The following CPPED1 variants were observed in gnomAD, a reference collection of about 807,000 sequenced individuals.
CPPED1 encodes serine/threonine-protein phosphatase CPPED1.
CPPED1 carries 28 observed loss-of-function variants against 28.0 expected under a neutral mutation model. The ratio of observed to expected loss-of-function variants is 1.00; its 90% CI spans 0.74 to 1.37. CPPED1 has a LOEUF of 1.37. CPPED1 is among the 40% of genes most tolerant of loss of function. The pLI is 0.00. For synonymous variants in CPPED1, 198 were observed against 180.2 expected (o/e 1.10, Z -0.79); for missense variants, 504 against 416.5 (o/e 1.21, Z -1.83).
At chr16:12,759,859 C>T (rs573185325) in intron 2 of CPPED1, among the ~76,000 whole-genome samples, 219 of 152,302 alleles carry the variant, frequency 1.4e-3, no homozygotes, top group African/African-American at 4.9e-3. Flanking sequence ...CAATTAAACC[C>T]GTATCAGGTG....
intron 2 of CPPED1, among the ~76,000 whole-genome samples, chr16:12,751,757 C>G (rs565844347): frequency 3.9e-5 from 6 of 152,300 alleles, no homozygotes; most frequent in Non-Finnish European, 8.8e-5. Flanking sequence ...TAATGTTTTA[C>G]TTCTGAAGCT....
intron 2 of CPPED1, among the ~76,000 whole-genome samples, chr16:12,729,359 C>G (rs1055143819): frequency 6.6e-6 from 1 of 152,096 alleles, no homozygotes; most frequent in African/African-American, 2.4e-5. Context: ...TTTGCCTGGA[C>G]TTGAAGAACG....
At chr16:12,737,407 G>T (rs1449563420) in intron 2 of CPPED1, among the ~76,000 whole-genome samples, 1 of 152,082 alleles carries the variant, frequency 6.6e-6, no homozygotes, top group Non-Finnish European at 1.5e-5. Context: ...GAACCAAAAA[G>T]CACCCCTTAC....
intron 2 of CPPED1, among the ~76,000 whole-genome samples, chr16:12,755,910 A>G (rs371938348): frequency 1.6e-3 from 238 of 152,248 alleles, no homozygotes; most frequent in African/African-American, 5.4e-3. Flanking sequence ...AGGCGGGCGG[A>G]TCACCTGAGG....
intron 1 of CPPED1, among the ~76,000 whole-genome samples, chr16:12,789,772 T>A (rs1160635238): frequency 6.6e-6 from 1 of 152,072 alleles, no homozygotes; most frequent in Admixed American, 6.6e-5. Context: ...AGTGATCAGC[T>A]CACCTTGACC....
chr16:12,676,606 G>C (rs2079879029), intron 3 of CPPED1, among the ~76,000 whole-genome samples: 1 of 152,154 alleles, frequency 6.6e-6, no homozygotes, highest in African/African-American at 2.4e-5. Flanking sequence ...CACCATCTGA[G>C]AGGTGCAAAG....
At chr16:12,693,602 G>A (rs1408476633) in intron 3 of CPPED1, among the ~76,000 whole-genome samples, 1 of 152,082 alleles carries the variant, frequency 6.6e-6, no homozygotes, top group Non-Finnish European at 1.5e-5. Flanking sequence ...ATTTTACAAA[G>A]CAATGTTGTA....
At chr16:12,675,911 C>T (rs1441161948) in intron 3 of CPPED1, among the ~76,000 whole-genome samples, 2 of 152,130 alleles carry the variant, frequency 1.3e-5, no homozygotes, top group African/African-American at 2.4e-5. Context: ...TCCCTCCTGC[C>T]GGTAAAGAAT....
intron 2 of CPPED1, among the ~76,000 whole-genome samples, chr16:12,777,657 A>T (rs2080505243): frequency 6.6e-6 from 1 of 152,188 alleles, no homozygotes; most frequent in South Asian, 2.1e-4. Context: ...GGATTTTCCT[A>T]TGGGCTTGGC....
chr16:12,675,181 T>C (rs1271229692), intron 3 of CPPED1, among the ~76,000 whole-genome samples: 1 of 152,214 alleles, frequency 6.6e-6, no homozygotes, highest in Admixed American at 6.5e-5. Context: ...TGACGGGGTA[T>C]TGATTTTAGT....
At chr16:12,734,143 C>G (rs544013053) in intron 2 of CPPED1, among the ~76,000 whole-genome samples, 19 of 131,468 alleles carry the variant, frequency 1.4e-4, no homozygotes, top group African/African-American at 5.6e-4. Context: ...GATCTCGGGT[C>G]ACTGCAACCT....
At chr16:12,675,676 C>A (rs1384697446) in intron 3 of CPPED1, among the ~76,000 whole-genome samples, 1 of 152,214 alleles carries the variant, frequency 6.6e-6, no homozygotes, top group East Asian at 1.9e-4. Context: ...CACATTCCAA[C>A]TGGACAGCCT....
intron 3 of CPPED1, among the ~76,000 whole-genome samples, chr16:12,699,157 T>A (rs1448358692): frequency 5.3e-5 from 8 of 152,194 alleles, no homozygotes; most frequent in Admixed American, 5.2e-4. Context: ...CAACTAGGTA[T>A]CAGGTGAATA....
At position 12,709,911 on chromosome 16, in the gene CPPED1, GGAA is replaced by G. The variant is rs2080071042; in HGVS notation, c.290-4865_290-4863del. Among the ~76,000 whole-genome samples, 1 of 21,030 alleles carries G rather than the reference GGAA, an allele frequency of 4.8e-5. No individual in the cohort carries two copies. The highest frequency in any genetic ancestry group is 8.0e-5 in the Non-Finnish European group (1 of 12,434). 13.8% of individuals were successfully genotyped at this position (21,030 alleles called of 152,430 possible). A position where few individuals can be genotyped will look rare whatever the true frequency, so the allele number is the denominator to read the frequency against. On this transcript the variant is annotated intron_variant, in intron 2 of 3. Transcript: ENST00000381774. This position sits in a 1 kb window ranked among gnomAD's most constrained non-coding sequence, Gnocchi z 4.4. The stretch of plus-strand genomic sequence containing the variant: ...GGAAGGAAGGGAAAGACGGGGGGAA[GGAA>G]GGGAAGGAAGGGAAGGAAGGGAAGG...
intron 1 of CPPED1, among the ~76,000 whole-genome samples, chr16:12,798,548 G>A (rs2080640597): frequency 1.3e-5 from 2 of 152,300 alleles, no homozygotes; most frequent in African/African-American, 4.8e-5. Flanking sequence ...GTTTTCCAGA[G>A]AGTACAAGGA....
In CPPED1 at chr16:12,792,629, C is replaced by T. The variant is rs577929764; in HGVS notation, c.70+11078G>A. On this transcript the variant is annotated intron_variant, in intron 1 of 3. Transcript: ENST00000381774. Reference sequence around the variant, plus strand: ...ATCTTGAATTGTAGCTCCCATAATTCCCACATGTCATGGGAAGGACCTGGT... The same window carrying T: ...ATCTTGAATTGTAGCTCCCATAATTTCCACATGTCATGGGAAGGACCTGGT... Among the ~76,000 whole-genome samples, 111 of 152,272 alleles carry T rather than the reference C, an allele frequency of 7.3e-4. 2 individuals carry two copies. Among genetic ancestry groups the T allele is most frequent in the African/African-American group, 2.6e-3 (106 of 41,558 alleles).
intron 2 of CPPED1, among the ~76,000 whole-genome samples, chr16:12,742,665 A>G (rs1261638351): frequency 6.6e-6 from 1 of 152,172 alleles, no homozygotes; most frequent in Non-Finnish European, 1.5e-5. Flanking sequence ...AGATGAAGAC[A>G]TGAATGTTCA....
intron 2 of CPPED1, among the ~76,000 whole-genome samples, chr16:12,744,407 C>A (rs1429992011): frequency 1.3e-5 from 2 of 152,112 alleles, no homozygotes; most frequent in African/African-American, 2.4e-5. Context: ...ATTTCTTCTT[C>A]TAGCCAAGGA....
At chr16:12,739,476 G>A (rs1024300190) in intron 2 of CPPED1, among the ~76,000 whole-genome samples, 2 of 152,126 alleles carry the variant, frequency 1.3e-5, no homozygotes, top group Non-Finnish European at 2.9e-5. Context: ...AGCTACTCAG[G>A]AGGCTGAGGC....
Sources: allele counts gnomAD v4.1 joint callset (sites outside exome capture counted in the v4.1 genomes callset), GRCh38; gene constraint gnomAD v4.1.1; non-coding constraint Gnocchi (gnomAD v3.1); transcripts MANE v1.5; gene names NCBI Gene and HGNC (gene_info 2026-07-23, HGNC 2026-07-21).